The following DIAPH3 variants were observed in gnomAD, a reference collection of about 807,000 sequenced individuals.
The protein encoded by DIAPH3 is diaphanous related formin 3.
DIAPH3 carries 117 observed loss-of-function variants against 144.3 expected under a neutral mutation model. The ratio of observed to expected loss-of-function variants is 0.81; its 90% confidence interval spans 0.70 to 0.95. The LOEUF is 0.95. DIAPH3 is among the 40% of genes least tolerant of loss of function. The pLI is 0.00. For synonymous variants in DIAPH3, 519 were observed against 488.9 expected, an observed-to-expected ratio of 1.06 and a Z score of -0.81; for missense variants, 1,421 against 1,412.7, an observed-to-expected ratio of 1.01 and a Z score of -0.09.
At chr13:60,003,030 A>C (rs1173141923) in intron 9 of DIAPH3, among the ~76,000 whole-genome samples, 2 of 152,070 alleles carry the variant, frequency 1.3e-5, no homozygotes, top group African/African-American at 4.8e-5. Flanking sequence ...ACTAAGGAAA[A>C]ACTGGCCAAC....
At chr13:59,971,999 A>G (rs2670487) in intron 15 of DIAPH3, among the ~76,000 whole-genome samples, 84,913 of 152,104 alleles carry the variant, frequency 0.56, 24,265 homozygotes, top group Admixed American at 0.61. Context: ...GTGAGAATTT[A>G]TTTAAGGAAT....
chr13:60,097,970 T>C (rs898401863), intron 3 of DIAPH3, among the ~76,000 whole-genome samples: 3 of 152,178 alleles, frequency 2.0e-5, no homozygotes, highest in Non-Finnish European at 2.9e-5. Context: ...AGAAAATTTA[T>C]TGGGAGCTTT....
intron 24 of DIAPH3, among the ~76,000 whole-genome samples, chr13:59,823,788 A>C (rs2041212844): frequency 1.3e-5 from 2 of 152,190 alleles, no homozygotes; most frequent in South Asian, 4.1e-4. Flanking sequence ...ATTTGGCAAA[A>C]TGAGTTTTGT....
At chr13:59,731,523 A>G (rs2138983073) in intron 27 of DIAPH3, among the ~76,000 whole-genome samples, 1 of 152,284 alleles carries the variant, frequency 6.6e-6, no homozygotes, top group East Asian at 1.9e-4. Context: ...GATAAATATT[A>G]AGCAATCTAA....
chr13:59,725,657 A>T lies in DIAPH3; in HGVS notation c.3319+48532T>A, dbSNP rs576839022. Among the ~76,000 whole-genome samples the T allele has an allele frequency of 1.3e-3, 191 of 152,294 alleles. 1 individual carries two copies. Among genetic ancestry groups the T allele is most frequent in the African/African-American group, 4.1e-3 (171 of 41,558 alleles). ...AAAACAGATTCTGTGCTTTTTAGTT[A>T]CAACAGTGTCACCAATGAATTCTAC... is the stretch of plus-strand genomic sequence containing the variant. On this transcript the variant is annotated intron_variant, in intron 27 of 27. Coordinates refer to ENST00000400324, the MANE Select transcript of DIAPH3 (RefSeq NM_001042517.2).
intron 1 of DIAPH3, among the ~76,000 whole-genome samples, chr13:60,159,778 T>C (rs1952200495): frequency 6.6e-6 from 1 of 152,190 alleles, no homozygotes; most frequent in Admixed American, 6.5e-5. Flanking sequence ...AGATTAATAA[T>C]ACTACCTACC....
At chr13:59,674,434 G>T (rs1365523608) in intron 27 of DIAPH3, among the ~76,000 whole-genome samples, 1 of 152,132 alleles carries the variant, frequency 6.6e-6, no homozygotes, top group Non-Finnish European at 1.5e-5. Flanking sequence ...GCCCTTGACT[G>T]TGCTTACTCT....
chr13:60,078,408 T>G (rs984646318), intron 4 of DIAPH3, among the ~76,000 whole-genome samples: 5 of 151,998 alleles, frequency 3.3e-5, no homozygotes, highest in Admixed American at 2.6e-4. Flanking sequence ...AGACTTGAAG[T>G]GGGCAAGGTG....
chr13:59,853,179 G>T (rs2043076967), intron 22 of DIAPH3, among the ~76,000 whole-genome samples: 1 of 152,170 alleles, frequency 6.6e-6, no homozygotes. Flanking sequence ...AGAGTCCATG[G>T]TCCAGATAAC....
At chr13:59,930,996 T>C (rs918811639) in intron 17 of DIAPH3, among the ~76,000 whole-genome samples, 2 of 152,152 alleles carry the variant, frequency 1.3e-5, no homozygotes, top group African/African-American at 4.8e-5. Flanking sequence ...TCTCAACATC[T>C]TTATTTGGAT....
At chr13:60,114,642 GACACACACACACACACAC>G (rs34572381) in intron 2 of DIAPH3, among the ~76,000 whole-genome samples, 59 of 148,108 alleles carry the variant, frequency 4.0e-4, no homozygotes, top group South Asian at 8.6e-4. Flanking sequence ...GAATACAAAA[GACACACACACACACACAC>G]ACACACACAC....
At chr13:59,698,377 T>G (rs2033931401) in intron 27 of DIAPH3, among the ~76,000 whole-genome samples, 1 of 152,166 alleles carries the variant, frequency 6.6e-6, no homozygotes, top group Non-Finnish European at 1.5e-5. Context: ...GTCTTTTTAG[T>G]GAGGTAACAC....
chr13:59,801,244 T>A (rs1288580117), intron 25 of DIAPH3, among the ~76,000 whole-genome samples: 2 of 152,304 alleles, frequency 1.3e-5, no homozygotes, highest in East Asian at 3.9e-4. Context: ...CAAACAATCT[T>A]CTTGACTTTG....
intron 18 of DIAPH3, among the ~76,000 whole-genome samples, chr13:59,921,478 G>A (rs558330725): frequency 6.6e-6 from 1 of 151,000 alleles, no homozygotes; most frequent in African/African-American, 2.4e-5. Flanking sequence ...GGATAACCTA[G>A]AAAAAAAATG....
intron 27 of DIAPH3, among the ~76,000 whole-genome samples, chr13:59,723,685 G>A (rs1432807726): frequency 1.3e-5 from 2 of 151,068 alleles, no homozygotes; most frequent in South Asian, 2.1e-4. Context: ...ATCTCGGCTC[G>A]CTGCAATCTC....
At chr13:59,806,909 A>G (rs1254395823) in intron 25 of DIAPH3, among the ~76,000 whole-genome samples, 7 of 151,812 alleles carry the variant, frequency 4.6e-5, no homozygotes, top group Admixed American at 4.6e-4. Flanking sequence ...TAAAAAACTG[A>G]TATTTAACAT....
chr13:59,711,057 A>G (rs760386280), intron 27 of DIAPH3, among the ~76,000 whole-genome samples: 38 of 152,236 alleles, frequency 2.5e-4, no homozygotes, highest in Non-Finnish European at 4.7e-4. Flanking sequence ...TGTCATTTTA[A>G]TATAGACTTT....
chr13:59,767,708 C>T (rs2037927130), intron 27 of DIAPH3, among the ~76,000 whole-genome samples: 1 of 152,110 alleles, frequency 6.6e-6, no homozygotes, highest in East Asian at 1.9e-4. Context: ...ACAACCATTT[C>T]AGGGAAGTCA....
intron 27 of DIAPH3, among the ~76,000 whole-genome samples, chr13:59,672,404 T>C (rs373841532): frequency 2.6e-4 from 39 of 152,174 alleles, no homozygotes; most frequent in African/African-American, 9.2e-4. Flanking sequence ...GTGTCCTAAA[T>C]TGACTCCATC....
Sources: gnomAD v4.1 joint callset for allele counts (sites outside exome capture counted in the v4.1 genomes callset) on GRCh38, gnomAD v4.1.1 for gene constraint, MANE v1.5 for transcripts, NCBI Gene and HGNC (gene_info 2026-07-23, HGNC 2026-07-21) for gene names.